The following GULP1 variants were observed in gnomAD, a reference collection of about 807,000 sequenced individuals.
GULP1 encodes PTB domain-containing engulfment adapter protein 1.
A neutral mutation model predicts 40.9 loss-of-function variants in GULP1; 19 were observed. The ratio of observed to expected loss-of-function variants is 0.46; its 90% CI spans 0.32 to 0.68. The LOEUF (loss-of-function observed/expected upper bound fraction) is 0.68, where lower values mean the gene tolerates loss of function less well. Among genes scored for constraint, GULP1 ranks in the 30% least tolerant of loss-of-function variants. The pLI, the probability that GULP1 is intolerant of heterozygous loss-of-function variation, is 0.03. For missense variants in GULP1, 312 were observed against 362.2 expected, an observed-to-expected ratio of 0.86 and a Z score of 1.12; for synonymous variants, 119 against 117.6, an observed-to-expected ratio of 1.01 and a Z score of -0.08.
At chr2:188,536,834 G>GT (rs1327355004) in intron 6 of GULP1, among the ~76,000 whole-genome samples, 1 of 151,948 alleles carries the variant, frequency 6.6e-6, no homozygotes, top group African/African-American at 2.4e-5. Context: ...TTTTCCATTT[G>GT]TTTCTGTCAT....
At chr2:188,345,134 CT>C (rs1346949803) in intron 1 of GULP1, among the ~76,000 whole-genome samples, 1 of 152,076 alleles carries the variant, frequency 6.6e-6, no homozygotes, top group Non-Finnish European at 1.5e-5. Context: ...AAATTATCTT[CT>C]TTTTTGTTTT....
chr2:188,396,289 G>C (rs1041730623), intron 2 of GULP1, among the ~76,000 whole-genome samples: 36 of 152,242 alleles, frequency 2.4e-4, no homozygotes, highest in Non-Finnish European at 1.5e-5. Context: ...AGCCAGGTGG[G>C]GGCTGGGTGG....
intron 1 of GULP1, among the ~76,000 whole-genome samples, chr2:188,361,307 GTC>G (rs928949603): frequency 6.6e-6 from 1 of 151,988 alleles, no homozygotes. Context: ...CTAGGCCAAG[GTC>G]TAGGAAAAGA....
intron 3 of GULP1, among the ~76,000 whole-genome samples, chr2:188,482,822 A>T (rs762396418): frequency 4.5e-4 from 68 of 151,790 alleles, no homozygotes; most frequent in Non-Finnish European, 6.9e-4. Flanking sequence ...GAGACTATTT[A>T]TATCCAAAAC....
intron 6 of GULP1, 103 bp from the exon 7 acceptor site, chr2:188,541,078 G>A: frequency 1.1e-6 from 1 of 946,954 alleles, no homozygotes; most frequent in East Asian, 2.5e-5. Context: ...ATTGACAGAT[G>A]ATTGTTCTAC....
At chr2:188,389,099 G>T (rs2050180663) in intron 2 of GULP1, among the ~76,000 whole-genome samples, 1 of 152,290 alleles carries the variant, frequency 6.6e-6, no homozygotes, top group South Asian at 2.1e-4. Context: ...TTTTGTTTAG[G>T]CAAGAGGGGC....
chr2:188,539,750 A>G (rs1689956486), intron 6 of GULP1, among the ~76,000 whole-genome samples: 1 of 152,064 alleles, frequency 6.6e-6, no homozygotes, highest in Non-Finnish European at 1.5e-5. Context: ...TTATTTGTAT[A>G]TCTCATTTTA....
At chr2:188,363,061 T>C (rs1413145906) in intron 1 of GULP1, among the ~76,000 whole-genome samples, 2 of 152,130 alleles carry the variant, frequency 1.3e-5, no homozygotes, top group Non-Finnish European at 2.9e-5. Context: ...CTAGGAGTTA[T>C]GGAAATATTA....
intron 2 of GULP1, among the ~76,000 whole-genome samples, chr2:188,441,569 C>T (rs1161049402): frequency 6.6e-6 from 1 of 152,160 alleles, no homozygotes; most frequent in Non-Finnish European, 1.5e-5. Flanking sequence ...GGGGTGTTTG[C>T]ATTCAGGCTC....
intron 2 of GULP1, among the ~76,000 whole-genome samples, chr2:188,439,674 AGGAGGTAACTG>A (rs2057746375): frequency 6.6e-6 from 1 of 152,154 alleles, no homozygotes. Flanking sequence ...CTCTGGTGGT[AGGAGGTAACTG>A]GGAGATGTGG....
intron 4 of GULP1, among the ~76,000 whole-genome samples, chr2:188,507,949 A>G (rs548054562): frequency 1.3e-5 from 2 of 152,106 alleles, no homozygotes; most frequent in African/African-American, 4.8e-5. Context: ...ATATGCTGCA[A>G]TATAGTTCTG....
intron 2 of GULP1, among the ~76,000 whole-genome samples, chr2:188,438,112 A>G (rs1327571331): frequency 2.6e-5 from 4 of 152,148 alleles, no homozygotes; most frequent in Non-Finnish European, 4.4e-5. Flanking sequence ...CATAAAAAAT[A>G]CAAACGCAGT....
At chr2:188,490,135 G>C (rs912858742) in intron 4 of GULP1, among the ~76,000 whole-genome samples, 1 of 152,042 alleles carries the variant, frequency 6.6e-6, no homozygotes, top group Admixed American at 6.6e-5. Flanking sequence ...GGCAGTATAT[G>C]TGTTATGGAT....
chr2:188,469,418 G>C (rs992737104), intron 2 of GULP1, among the ~76,000 whole-genome samples: 1 of 152,142 alleles, frequency 6.6e-6, no homozygotes, highest in African/African-American at 2.4e-5. Flanking sequence ...GATATAAAAA[G>C]ATACCTGAAA....
At chr2:188,498,659 T>C (rs2063131533) in intron 4 of GULP1, among the ~76,000 whole-genome samples, 1 of 151,898 alleles carries the variant, frequency 6.6e-6, no homozygotes, top group Admixed American at 6.6e-5. Context: ...TCAAATGTTC[T>C]ATAGCACTGT....
intron 2 of GULP1, among the ~76,000 whole-genome samples, chr2:188,468,155 G>A (rs1343935180): frequency 6.6e-6 from 1 of 152,082 alleles, no homozygotes; most frequent in Non-Finnish European, 1.5e-5. Context: ...CTTTTGTTTA[G>A]TAGAACTGTC....
intron 2 of GULP1, among the ~76,000 whole-genome samples, chr2:188,418,510 G>T (rs1414997381): frequency 1.3e-5 from 2 of 152,062 alleles, no homozygotes; most frequent in Non-Finnish European, 2.9e-5. Context: ...GTGGGCGCCT[G>T]TTATCCCAGC....
chr2:188,391,167 A>C (rs2050468018), intron 2 of GULP1, among the ~76,000 whole-genome samples: 1 of 151,904 alleles, frequency 6.6e-6, no homozygotes, highest in South Asian at 2.1e-4. Context: ...TTTTGATGGA[A>C]TTGCATTGAA....
At chr2:188,365,847 T>C (rs2046711497) in intron 1 of GULP1, among the ~76,000 whole-genome samples, 2 of 152,108 alleles carry the variant, frequency 1.3e-5, no homozygotes, top group South Asian at 4.1e-4. Context: ...GTGGGCGATA[T>C]GGTATATGCA....
Sources: allele counts gnomAD v4.1 joint callset (sites outside exome capture counted in the v4.1 genomes callset), GRCh38; gene constraint gnomAD v4.1.1; transcripts MANE v1.5; gene names NCBI Gene and HGNC (gene_info 2026-07-23, HGNC 2026-07-21).